Variants in STRN observed in about 807,000 individuals in gnomAD.
STRN encodes protein phosphatase 2 regulatory subunit B'''alpha.
STRN carries 53 observed loss-of-function variants against 96.3 expected under a neutral mutation model. The ratio of observed to expected loss-of-function variants is 0.55; its 90% CI spans 0.44 to 0.69. STRN has a LOEUF of 0.69. Ranked by LOEUF, STRN falls within the 30% of genes least tolerant of loss-of-function variation. STRN has a pLI of 0.00. For missense variants in STRN, 987 were observed against 963.9 expected (o/e 1.02, Z -0.32); for synonymous variants, 428 against 355.9 (o/e 1.20, Z -2.28).
In STRN at chr2:36,851,105, C is replaced by G. The variant is rs779488841; in HGVS notation, c.1981G>C (p.Ala661Pro). 6.2e-7 allele frequency: 1 copy of G among 1,609,974 alleles called. No individual in the cohort carries two copies. Among genetic ancestry groups the G allele is most frequent in the East Asian group, 2.2e-5 (1 of 44,830 alleles). Residue 661 changes from alanine (A) to proline (P), a missense_variant and splice_region_variant, in exon 16 of 18, where the codon GCC (alanine) becomes CCC (proline). By Grantham distance (27) the Ala-to-Pro change is conservative (BLOSUM62 -1). Transcript: ENST00000263918. ...CTATTTATTTGGCAGGAAGAGTTGG[C>G]TGCTAAAAAGAAAAAATTAAAAAGC... ...LTLESNVDTT[A>P]NSSCQINRVI...
chr2:36,840,409 C>T lies in STRN; in HGVS notation c.*9047G>A, dbSNP rs989248068. On this transcript the variant is annotated 3_prime_UTR_variant, in exon 18 of 18. Coordinates refer to ENST00000263918, the MANE Select transcript of STRN (RefSeq NM_003162.4). ...GGACTGGAACTGTGCAGTATAAAGACGTTGCTACTCAGGCATTTTGTTGCT... is the reference window on the plus strand; with the variant it reads ...GGACTGGAACTGTGCAGTATAAAGATGTTGCTACTCAGGCATTTTGTTGCT... The T allele has an allele frequency of 6.6e-6, 1 of 152,174 alleles. No individual in the cohort carries two copies. The highest frequency in any genetic ancestry group is 1.9e-4 in the East Asian group (1 of 5,198). The allele number at this position is 152,174 out of a possible 1,614,324, so 9.4% of individuals were successfully genotyped here.
chr2:36,919,996 A>G (rs950013993), intron 2 of STRN, among the ~76,000 whole-genome samples: 8 of 152,316 alleles, frequency 5.3e-5, no homozygotes, highest in Admixed American at 2.0e-4. Context: ...TTTGGATCCT[A>G]AAGTGGGACT....
chr2:36,890,461 T>A (rs950059765), intron 7 of STRN, among the ~76,000 whole-genome samples: 7 of 150,200 alleles, frequency 4.7e-5, no homozygotes, highest in African/African-American at 1.5e-4. Context: ...GTCAATATTA[T>A]CACTGCACCA....
Position 36,847,635 on chromosome 2 carries a change from C to A in STRN, c.*1821G>T, listed in dbSNP as rs987194247. On this transcript the variant is annotated 3_prime_UTR_variant, in exon 18 of 18. Coordinates refer to ENST00000263918, the MANE Select transcript of STRN (RefSeq NM_003162.4). ...ATGAAATGAAAAGGTAGCTGTATTA[C>A]TACAGCATATCTGTATGAAAATCAG... 4 of 152,172 alleles carry A rather than the reference C, an allele frequency of 2.6e-5. No individual in the cohort carries two copies. The allele number at this position is 152,172 out of a possible 1,614,324, so 9.4% of individuals were successfully genotyped here.
intron 15 of STRN, among the ~76,000 whole-genome samples, chr2:36,851,319 T>C (rs1453385335): frequency 6.6e-6 from 1 of 151,718 alleles, no homozygotes; most frequent in Non-Finnish European, 1.5e-5. Flanking sequence ...CCTGTCTCTA[T>C]TAAAAATACA....
At chr2:36,873,650 A>T (rs1668823046) in intron 10 of STRN, among the ~76,000 whole-genome samples, 1 of 152,104 alleles carries the variant, frequency 6.6e-6, no homozygotes. Flanking sequence ...AAACAATCTA[A>T]AAAAAAGAAT....
At chr2:36,945,582 G>A (rs557330861) in intron 1 of STRN, among the ~76,000 whole-genome samples, 4 of 152,082 alleles carry the variant, frequency 2.6e-5, no homozygotes, top group East Asian at 3.9e-4. Context: ...CAAGAGAATC[G>A]CTTGAACCAA....
chr2:36,933,971 G>T (rs2148243656), intron 1 of STRN, among the ~76,000 whole-genome samples: 1 of 152,236 alleles, frequency 6.6e-6, no homozygotes, highest in Admixed American at 6.5e-5. Flanking sequence ...AATTACCCGG[G>T]TGTGGTGGCG....
At chr2:36,909,088 G>A (rs573587077) in intron 3 of STRN, among the ~76,000 whole-genome samples, 107 of 148,130 alleles carry the variant, frequency 7.2e-4, no homozygotes, top group African/African-American at 2.5e-3. Context: ...CCAAGGAGGC[G>A]AAGGTTGCAG....
chr2:36,849,774 G>A lies in STRN; in HGVS notation c.2113C>T (p.His705Tyr). The A allele has an allele frequency of 6.2e-7, 1 of 1,614,056 alleles. No homozygotes were observed. Among genetic ancestry groups the A allele is most frequent in the Non-Finnish European group, 8.5e-7 (1 of 1,179,976 alleles). ...TGKLIHSMVA[H>Y]LEAVTSLAVD... is the part of the protein sequence containing the mutation. ...GCTAAACTTGTAACAGCTTCTAGGT[G>A]GGCTACCATCGAGTGGATCAGTTTG... is the stretch of plus-strand genomic sequence containing the variant. The change falls in exon 17 of 18, where the codon CAC (histidine) becomes TAC (tyrosine). Residue 705 changes from histidine (H) to tyrosine (Y), a missense_variant. Coordinates refer to ENST00000263918, the MANE Select transcript of STRN (RefSeq NM_003162.4).
intron 3 of STRN, among the ~76,000 whole-genome samples, chr2:36,915,158 C>T (rs1225686752): frequency 1.4e-5 from 2 of 145,214 alleles, no homozygotes; most frequent in Non-Finnish European, 3.0e-5. Context: ...GATCATGCCG[C>T]TGCACTCCAG....
intron 1 of STRN, among the ~76,000 whole-genome samples, chr2:36,944,154 A>G (rs546638881): frequency 6.6e-6 from 1 of 152,244 alleles, no homozygotes; most frequent in East Asian, 1.9e-4. Flanking sequence ...TACTTAAAAC[A>G]TATATATACA....
chr2:36,846,817 G>A lies in STRN; in HGVS notation c.*2639C>T, dbSNP rs1385058266. 6.6e-6 allele frequency: 1 copy of A among 152,018 alleles called. No homozygotes were observed. Among genetic ancestry groups the A allele is most frequent in the Non-Finnish European group, 1.5e-5 (1 of 67,982 alleles). The allele number at this position is 152,018 out of a possible 1,614,324, so 9.4% of individuals were successfully genotyped here. A position where few individuals can be genotyped will look rare whatever the true frequency, so the allele number is the denominator to read the frequency against. ...ATATGACAGTTGAGTTTTGAGAAGG[G>A]TGCTGCAAGCTCCCAGAGATGTATC... is the stretch of plus-strand genomic sequence containing the variant. On this transcript the variant is annotated 3_prime_UTR_variant, in exon 18 of 18. Transcript: ENST00000263918.
intron 15 of STRN, 51 bp from the exon 16 acceptor site, chr2:36,851,158 A>T (rs775681913): frequency 8.8e-6 from 13 of 1,477,860 alleles, no homozygotes; most frequent in Non-Finnish European, 8.5e-6. Flanking sequence ...GATATTTTTC[A>T]CACAAAGGAG....
intron 1 of STRN, among the ~76,000 whole-genome samples, chr2:36,962,146 A>C (rs1275871899): frequency 6.6e-6 from 1 of 152,184 alleles, no homozygotes; most frequent in East Asian, 1.9e-4. Flanking sequence ...CGGTATCTAG[A>C]ACAAGGTCTG....
intron 7 of STRN, among the ~76,000 whole-genome samples, chr2:36,888,171 T>C (rs1353924226): frequency 6.6e-6 from 1 of 152,222 alleles, no homozygotes; most frequent in Non-Finnish European, 1.5e-5. Context: ...ATTCAGAATC[T>C]GGCTTCTCAG....
chr2:36,947,774 A>G (rs1389230749), intron 1 of STRN, among the ~76,000 whole-genome samples: 3 of 151,802 alleles, frequency 2.0e-5, no homozygotes, highest in Non-Finnish European at 4.4e-5. Context: ...TACAAATTAA[A>G]AAGTTTAACA....
intron 9 of STRN, among the ~76,000 whole-genome samples, chr2:36,881,684 G>A (rs540000489): frequency 5.3e-5 from 8 of 152,244 alleles, no homozygotes; most frequent in Non-Finnish European, 1.0e-4. Context: ...TCCTCACTAT[G>A]TTTTTTATCA....
chr2:36,963,647 G>A (rs1451670767), intron 1 of STRN, among the ~76,000 whole-genome samples: 1 of 152,072 alleles, frequency 6.6e-6, no homozygotes, highest in Non-Finnish European at 1.5e-5. Context: ...ACACAAAACA[G>A]AAAATGCTGT....
Sources: allele counts gnomAD v4.1 joint callset (sites outside exome capture counted in the v4.1 genomes callset), GRCh38; gene constraint gnomAD v4.1.1; transcripts MANE v1.5; gene names NCBI Gene and HGNC (gene_info 2026-07-23, HGNC 2026-07-21).